The following NLRP5 variants were observed in gnomAD, a reference collection of about 807,000 sequenced individuals.
NLRP5 encodes NLR family pyrin domain containing 5, also known as NACHT, LRR and PYD domains-containing protein 5.
In NLRP5, 93 loss-of-function variants were observed where a neutral mutation model predicts 113.1. The observed-to-expected ratio is 0.82, with a 90% CI of 0.70 to 0.98. The LOEUF is 0.98. Among genes scored for constraint, NLRP5 ranks in the 50% least tolerant of loss-of-function variants. NLRP5 has a pLI of 0.00. For synonymous variants in NLRP5, 751 were observed against 600.7 expected (o/e 1.25, Z -3.66); for missense variants, 1,808 against 1,514.3 (o/e 1.19, Z -3.22).
chr19:56,051,623 G>A (rs965481288), intron 12 of NLRP5, among the ~76,000 whole-genome samples: 2 of 152,114 alleles, frequency 1.3e-5, no homozygotes, highest in Non-Finnish European at 2.9e-5. Context: ...CAAAACTTTG[G>A]CATTGGTCTC....
At chr19:56,005,355 ATTT>A (rs149100408) in intron 2 of NLRP5, among the ~76,000 whole-genome samples, 22 of 135,264 alleles carry the variant, frequency 1.6e-4, no homozygotes, top group Non-Finnish European at 2.9e-4. Flanking sequence ...ATACACATAT[ATTT>A]TTATATACAC....
chr19:56,025,815 G>C (rs563669564), intron 6 of NLRP5, among the ~76,000 whole-genome samples: 39 of 151,194 alleles, frequency 2.6e-4, no homozygotes, highest in Admixed American at 1.4e-3. Context: ...TGGGGCCATG[G>C]TACATGCATC....
At chr19:56,010,905 A>G (rs927368460) in intron 3 of NLRP5, among the ~76,000 whole-genome samples, 1 of 151,756 alleles carries the variant, frequency 6.6e-6, no homozygotes, top group Non-Finnish European at 1.5e-5. Flanking sequence ...TAATCCCAGC[A>G]CTTTGGGAGG....
chr19:56,049,034 T>G (rs1486314056), intron 11 of NLRP5, among the ~76,000 whole-genome samples: 1 of 140,090 alleles, frequency 7.1e-6, no homozygotes, highest in East Asian at 2.1e-4. Context: ...CAGGCTGGAG[T>G]GCAGTGGTGC....
intron 11 of NLRP5, among the ~76,000 whole-genome samples, chr19:56,041,332 G>T (rs1344238052): frequency 6.6e-6 from 1 of 152,088 alleles, no homozygotes; most frequent in Non-Finnish European, 1.5e-5. Context: ...TCTCATAATT[G>T]GAGGTCATCA....
At position 56,061,788 on chromosome 19, in the gene NLRP5, A is replaced by AT. The variant is rs1409433167; in HGVS notation, c.*261dup. 2.8e-6 allele frequency: 1 copy of AT among 359,740 alleles called. No individual in the cohort carries two copies. Among genetic ancestry groups the AT allele is most frequent in the African/African-American group, 2.1e-5 (1 of 47,654 alleles). The allele number at this position is 359,740 out of a possible 1,614,324, so 22.3% of individuals were successfully genotyped here. On this transcript the variant is annotated 3_prime_UTR_variant, in exon 15 of 15. Transcript: ENST00000390649. ...TCTCAGAGCATATAGAGGGAATTAAATAAACACAAAGCATTTGGAAAAGTT... is the reference window on the plus strand; with the variant it reads ...TCTCAGAGCATATAGAGGGAATTAAATTAAACACAAAGCATTTGGAAAAGTT...
Position 56,003,927 on chromosome 19 carries a change from A to G in NLRP5, c.274A>G (p.Thr92Ala), listed in dbSNP as rs772360032. 2.5e-6 allele frequency: 4 copies of G among 1,614,026 alleles called. No homozygotes were observed. The South Asian group carries it at 4.4e-5, about 18-fold the overall frequency. Residue 92 changes from threonine to alanine, a missense_variant, in exon 2 of 15, where the codon ACC (threonine) becomes GCC (alanine). Physicochemically the swap from Thr to Ala is moderately conservative, Grantham distance 58. Coordinates refer to ENST00000390649, the MANE Select transcript of NLRP5 (RefSeq NM_153447.4). ...ACTAAAGAAGAAATCTTCAGAATCGACCACATGCTCTATTCCACAGTTTGA... is the reference window on the plus strand; with the variant it reads ...ACTAAAGAAGAAATCTTCAGAATCGGCCACATGCTCTATTCCACAGTTTGA...
intron 6 of NLRP5, among the ~76,000 whole-genome samples, chr19:56,021,821 A>G (rs966380212): frequency 6.6e-6 from 1 of 152,204 alleles, no homozygotes; most frequent in African/African-American, 2.4e-5. Context: ...CTTGACTAGC[A>G]TGAGATATTG....
In NLRP5 at chr19:56,029,923, C is replaced by T. The variant is rs527583334; in HGVS notation, c.2276+1414C>T. 4.2e-4 allele frequency among the ~76,000 whole-genome samples: 62 copies of T among 149,242 alleles called. 2 individuals carry two copies. The highest frequency in any genetic ancestry group is 1.0e-3 in the East Asian group (5 of 4,948). ...TACAAAAATTAGCCAGGCATGGTGG[C>T]GCACACCTGTAATCCCAGCTACTCA... On this transcript the variant is annotated intron_variant, in intron 7 of 14. Coordinates refer to ENST00000390649, the MANE Select transcript of NLRP5 (RefSeq NM_153447.4).
At chr19:55,990,443 C>T in the NLRP5 span, among the ~76,000 whole-genome samples, 1 of 152,058 alleles carries the variant, frequency 6.6e-6, no homozygotes, top group African/African-American at 2.4e-5. Context: ...ATAATCCCAG[C>T]ACTTGGGGAG....
chr19:56,025,971 T>A (rs1286422456), intron 6 of NLRP5, among the ~76,000 whole-genome samples: 2 of 152,104 alleles, frequency 1.3e-5, no homozygotes, highest in Non-Finnish European at 2.9e-5. Flanking sequence ...AAGTCCATGT[T>A]TAGATTCTAC....
intron 4 of NLRP5, among the ~76,000 whole-genome samples, chr19:56,016,847 T>C (rs1257074305): frequency 1.3e-5 from 2 of 152,002 alleles, no homozygotes; most frequent in Non-Finnish European, 2.9e-5. Flanking sequence ...CTTGCTCTGT[T>C]GCCCAGGCTG....
chr19:56,028,322 A>G lies in NLRP5; in HGVS notation c.2089A>G (p.Lys697Glu), dbSNP rs748723116. 3.8e-5 allele frequency: 61 copies of G among 1,613,124 alleles called. 1 individual carries two copies. Among genetic ancestry groups the G allele is most frequent in the Non-Finnish European group, 5.0e-5 (59 of 1,179,256 alleles). Residue 697 changes from lysine to glutamate, a missense_variant, in exon 7 of 15, where the codon AAA becomes GAA. Physicochemically the swap from Lys to Glu is moderately conservative, Grantham distance 56. Transcript: ENST00000390649. ...CCACTGTCTTTTCGAGACTCAAGAC[A>G]AAGAGTTTGTTCGCTTGGCATTAAA... is the stretch of plus-strand genomic sequence containing the variant.
the NLRP5 span, among the ~76,000 whole-genome samples, chr19:55,991,003 G>A: frequency 5.9e-5 from 9 of 152,132 alleles, no homozygotes; most frequent in Admixed American, 4.6e-4. Flanking sequence ...AAAAAATTCC[G>A]CTGAGCTGTT....
chr19:56,010,004 T>C (rs1982119998), intron 3 of NLRP5, among the ~76,000 whole-genome samples: 1 of 152,202 alleles, frequency 6.6e-6, no homozygotes. Flanking sequence ...TCAGAGGTTT[T>C]ATAAGTTACC....
chr19:56,041,914 G>A (rs146617362), intron 11 of NLRP5, among the ~76,000 whole-genome samples: 235 of 152,304 alleles, frequency 1.5e-3, no homozygotes, highest in African/African-American at 5.5e-3. Flanking sequence ...AGCTGAGATT[G>A]TGCCATTGCA....
chr19:56,017,875 G>A (rs553228596), intron 4 of NLRP5, among the ~76,000 whole-genome samples: 21 of 152,160 alleles, frequency 1.4e-4, no homozygotes, highest in Non-Finnish European at 2.9e-4. Context: ...GTGCGGTCGC[G>A]CAATCTTGGC....
chr19:56,026,978 G>T lies in NLRP5; in HGVS notation c.745G>T (p.Val249Leu). The T allele has an allele frequency of 6.4e-7, 1 of 1,551,764 alleles. No individual in the cohort carries two copies. Among genetic ancestry groups the T allele is most frequent in the Non-Finnish European group, 8.7e-7 (1 of 1,147,008 alleles). ...GACCAAATTCGCTGAGGAGGAGGAT[G>T]TACGTCGTAGTTTTGAAAACACTGC... Residue 249 changes from valine to leucine, a missense_variant, in exon 7 of 15, where the codon GTA becomes TTA. Physicochemically the swap from Val to Leu is conservative, Grantham distance 32 (BLOSUM62 1). Transcript: ENST00000390649.
chr19:56,038,091 C>T lies in NLRP5; in HGVS notation c.2682C>T (p.Pro894=). Residue 894 remains proline, a synonymous_variant, in exon 10 of 15, where the codon CCC becomes CCT. Coordinates refer to ENST00000390649, the MANE Select transcript of NLRP5 (RefSeq NM_153447.4). ...TCTCCCAAATCCTTACGACCTCCCCCAGCCTGAAATCTCTGAGCCTGGCAG... is the reference window on the plus strand; with the variant it reads ...TCTCCCAAATCCTTACGACCTCCCCTAGCCTGAAATCTCTGAGCCTGGCAG... 3 of 1,613,972 alleles carry T rather than the reference C, an allele frequency of 1.9e-6. No individual in the cohort carries two copies. Among genetic ancestry groups the T allele is most frequent in the Non-Finnish European group, 2.5e-6 (3 of 1,179,860 alleles).
Sources: gnomAD v4.1 joint callset for allele counts (sites outside exome capture counted in the v4.1 genomes callset) on GRCh38, gnomAD v4.1.1 for gene constraint, MANE v1.5 for transcripts, NCBI Gene and HGNC (gene_info 2026-07-23, HGNC 2026-07-21) for gene names.